The following PHTF2 variants were observed in gnomAD, a reference collection of about 807,000 sequenced individuals.
The protein encoded by PHTF2 is protein PHTF2.
Under a neutral mutation model 101.2 loss-of-function variants are expected in PHTF2, and 60 were observed. The observed-to-expected ratio is 0.59, with a 90% CI of 0.48 to 0.73. The LOEUF (loss-of-function observed/expected upper bound fraction) is 0.73, where lower values mean the gene tolerates loss of function less well. PHTF2 is among the 30% of genes least tolerant of loss of function. The probability of loss-of-function intolerance (pLI) is 0.00; values close to 1 mark genes in which losing one functional copy is unlikely to be tolerated. For synonymous variants in PHTF2, 311 were observed against 307.3 expected, an observed-to-expected ratio of 1.01 and a Z score of -0.13; for missense variants, 747 against 908.7, an observed-to-expected ratio of 0.82 and a Z score of 2.29.
chr7:77,949,210 T>TA (rs144942876), intron 16 of PHTF2, among the ~76,000 whole-genome samples: 1,907 of 152,254 alleles, frequency 0.013, 39 homozygotes, highest in African/African-American at 0.043. Flanking sequence ...ATGATGTAGA[T>TA]AATGTAACAT....
chr7:77,845,194 G>A (rs976771195), intron 2 of PHTF2, among the ~76,000 whole-genome samples: 3 of 152,192 alleles, frequency 2.0e-5, no homozygotes, highest in Non-Finnish European at 4.4e-5. Flanking sequence ...GACACACTAA[G>A]TATTCCTTTA....
At chr7:77,846,559 C>A (rs1796302643) in intron 2 of PHTF2, among the ~76,000 whole-genome samples, 1 of 20,218 alleles carries the variant, frequency 4.9e-5, no homozygotes, top group Non-Finnish European at 8.5e-5. Context: ...CTCCCCTCCC[C>A]TCCCCTCGCC....
chr7:77,811,366 T>A (rs1793428107), intron 1 of PHTF2, among the ~76,000 whole-genome samples: 1 of 152,230 alleles, frequency 6.6e-6, no homozygotes, highest in Non-Finnish European at 1.5e-5. Flanking sequence ...GTAAAGTCAC[T>A]CTTTTATTCT....
rs143594497 is a variant in PHTF2 at position 77,901,341 on chromosome 7, G to A, written c.287-421G>A. 2.8e-4 allele frequency among the ~76,000 whole-genome samples: 42 copies of A among 152,210 alleles called. No homozygotes were observed. In the Middle Eastern group the frequency reaches 0.02, roughly 74 times the overall value. On this transcript the variant is annotated intron_variant, in intron 6 of 19. Coordinates refer to ENST00000416283, the Ensembl canonical transcript of PHTF2. ...GAATAGTATTAAAAAGAGAGAATGG[G>A]ACCAGGTACAATGGCTCACACCTAT...
At chr7:77,897,379 G>A (rs1166491144) in intron 5 of PHTF2, among the ~76,000 whole-genome samples, 1 of 146,782 alleles carries the variant, frequency 6.8e-6, no homozygotes, top group Non-Finnish European at 1.5e-5. Flanking sequence ...CTGTGTTTGA[G>A]TCATTTCACT....
exon 17 of PHTF2, chr7:77,949,743 C>G: frequency 6.4e-7 from 1 of 1,554,884 alleles, no homozygotes; most frequent in East Asian, 2.3e-5. Context: ...TCTGGTGCAT[C>G]TCGTTAACAC....
chr7:77,865,374 CGT>C (rs1186603398), intron 3 of PHTF2, among the ~76,000 whole-genome samples: 1 of 152,002 alleles, frequency 6.6e-6, no homozygotes, highest in Non-Finnish European at 1.5e-5. Flanking sequence ...TACAGGCATG[CGT>C]CACCATGCCT....
At chr7:77,876,084 T>C (rs892205714) in intron 3 of PHTF2, among the ~76,000 whole-genome samples, 1 of 152,208 alleles carries the variant, frequency 6.6e-6, no homozygotes, top group African/African-American at 2.4e-5. Flanking sequence ...TGGGCCATAG[T>C]ATCTGCACTC....
At chr7:77,904,687 G>A (rs1051965719) in intron 7 of PHTF2, among the ~76,000 whole-genome samples, 10 of 152,298 alleles carry the variant, frequency 6.6e-5, no homozygotes, top group African/African-American at 2.4e-4. Context: ...AAAGACAAGA[G>A]TCGTATCAGT....
At chr7:77,941,039 T>C (rs1042866339) in intron 15 of PHTF2, among the ~76,000 whole-genome samples, 2 of 152,208 alleles carry the variant, frequency 1.3e-5, no homozygotes, top group African/African-American at 4.8e-5. Context: ...AAATTGGTTT[T>C]AGGAAAACAC....
rs1319935843 is a variant in PHTF2, at chr7:77,946,279, G to A, written c.1960-3399G>A. On this transcript the variant is annotated intron_variant, in intron 16 of 19. Transcript: ENST00000416283. ...CATGATACAAGGACTAGGAAGTATT[G>A]TCCTTAATCTGATAAAGTATATCTT... Among the ~76,000 whole-genome samples the A allele has an allele frequency of 2.0e-5, 3 of 152,174 alleles. 1 individual carries two copies. The highest frequency in any genetic ancestry group is 4.1e-4 in the South Asian group (2 of 4,824).
chr7:77,955,178 C>G (rs1265855507), exon 20 of PHTF2: 2 of 196,018 alleles, frequency 1.0e-5, no homozygotes, highest in African/African-American at 2.3e-5. Context: ...GGCAAAATAA[C>G]AAATTGTGAA....
rs115988130 is a variant in PHTF2 at position 77,845,934 on chromosome 7, A to G, written c.45+5634A>G. Among the ~76,000 whole-genome samples, 313 of 152,362 alleles carry G rather than the reference A, an allele frequency of 2.1e-3. 1 individual carries two copies. Among genetic ancestry groups the G allele is most frequent in the African/African-American group, 6.6e-3 (274 of 41,584 alleles). ...TCAGGGTTTACTTAATCCCAAGACC[A>G]GAGCACCATCAGATGTGTCCGTCTG... On this transcript the variant is annotated intron_variant, in intron 2 of 19. Transcript: ENST00000416283.
chr7:77,884,842 T>G (rs1405079889), intron 3 of PHTF2, among the ~76,000 whole-genome samples: 9 of 152,178 alleles, frequency 5.9e-5, no homozygotes, highest in Admixed American at 4.6e-4. Flanking sequence ...GAGATTGCAG[T>G]GAGCCAAGAT....
intron 16 of PHTF2, among the ~76,000 whole-genome samples, chr7:77,948,350 G>A (rs1806262588): frequency 1.3e-5 from 2 of 151,966 alleles, no homozygotes; most frequent in Non-Finnish European, 2.9e-5. Context: ...TTTACATAAT[G>A]GAAATATGAG....
chr7:77,937,821 G>A, exon 13 of PHTF2: 2 of 1,533,980 alleles, frequency 1.3e-6, no homozygotes, highest in East Asian at 2.4e-5. Flanking sequence ...TGAAATCAGT[G>A]GAATGATAAT....
chr7:77,832,602 A>T (rs1322237994), intron 1 of PHTF2, among the ~76,000 whole-genome samples: 1 of 152,150 alleles, frequency 6.6e-6, no homozygotes, highest in East Asian at 1.9e-4. Context: ...TCCATTTCTA[A>T]CATCGTATCT....
At chr7:77,920,431 G>T in exon 10 of PHTF2, 2 of 1,613,140 alleles carry the variant, frequency 1.2e-6, no homozygotes, top group Non-Finnish European at 1.7e-6. Context: ...GAGACAGCCT[G>T]GAACACAGGA....
chr7:77,843,307 A>T (rs1395498930), intron 2 of PHTF2, among the ~76,000 whole-genome samples: 1 of 152,128 alleles, frequency 6.6e-6, no homozygotes, highest in Non-Finnish European at 1.5e-5. Flanking sequence ...GCTTGGTTTT[A>T]CGAATTCTTT....
Sources: gnomAD v4.1 joint callset for allele counts (sites outside exome capture counted in the v4.1 genomes callset) on GRCh38, gnomAD v4.1.1 for gene constraint, MANE v1.5 for transcripts, NCBI Gene and HGNC (gene_info 2026-07-23, HGNC 2026-07-21) for gene names.